The following RELN variants were observed in gnomAD, a reference collection of about 807,000 sequenced individuals.
The protein encoded by RELN is reelin.
In RELN, 108 loss-of-function variants were observed where a neutral mutation model predicts 427.6. The ratio of observed to expected loss-of-function variants is 0.25; its 90% CI spans 0.22 to 0.30. The LOEUF is 0.30. Ranked by LOEUF, RELN falls within the 10% of genes least tolerant of loss-of-function variation. The pLI is 1.00. For synonymous variants in RELN, 1,524 were observed against 1,513.4 expected, an observed-to-expected ratio of 1.01 and a Z score of -0.16; for missense variants, 3,715 against 4,302.8, an observed-to-expected ratio of 0.86 and a Z score of 3.82.
At chr7:103,519,804 G>C (rs1362831520) in intron 48 of RELN, among the ~76,000 whole-genome samples, 3 of 151,962 alleles carry the variant, frequency 2.0e-5, no homozygotes, top group African/African-American at 7.3e-5. Flanking sequence ...TAACTCCTGG[G>C]CTCAAATGAT....
intron 63 of RELN, chr7:103,482,059 C>T (rs191583423): frequency 6.6e-6 from 1 of 152,224 alleles, no homozygotes; most frequent in Non-Finnish European, 1.5e-5. Context: ...TATGACTGAA[C>T]CAAAACAAAT....
At chr7:103,880,248 A>T (rs75369835) in intron 2 of RELN, among the ~76,000 whole-genome samples, 1 of 152,212 alleles carries the variant, frequency 6.6e-6, no homozygotes, top group African/African-American at 2.4e-5. Flanking sequence ...TCTTGGTGTA[A>T]TTTATTAGTA....
At chr7:103,729,915 G>A (rs1584442037) in intron 6 of RELN, among the ~76,000 whole-genome samples, 2 of 148,590 alleles carry the variant, frequency 1.3e-5, no homozygotes, top group Non-Finnish European at 3.0e-5. Context: ...TTATATTAGG[G>A]TTTTTTTTTT....
intron 2 of RELN, among the ~76,000 whole-genome samples, chr7:103,841,801 A>G (rs1793557942): frequency 1.3e-5 from 2 of 152,192 alleles, no homozygotes; most frequent in African/African-American, 4.8e-5. Flanking sequence ...CCACCTATTG[A>G]TAACATTACA....
chr7:103,492,062 AT>A, intron 57 of RELN, 36 bp from the exon 58 acceptor site: 1 of 1,463,526 alleles, frequency 6.8e-7, no homozygotes, highest in Non-Finnish European at 9.6e-7. Context: ...CACAGGTAAG[AT>A]TAGATGATAC....
intron 3 of RELN, among the ~76,000 whole-genome samples, chr7:103,802,637 A>C (rs1792497241): frequency 6.6e-6 from 1 of 152,180 alleles, no homozygotes; most frequent in Non-Finnish European, 1.5e-5. Flanking sequence ...AGCACTGTGC[A>C]TTAAATCCCT....
chr7:103,904,975 CTTTTTTTTTTTT>C (rs67024941), intron 2 of RELN, among the ~76,000 whole-genome samples: 4 of 77,328 alleles, frequency 5.2e-5, no homozygotes, highest in African/African-American at 9.7e-5. Flanking sequence ...AAGTTCTTTC[CTTTTTTTTTTTT>C]TTTTTTTTTT....
At chr7:103,868,629 C>G (rs1029775419) in intron 2 of RELN, among the ~76,000 whole-genome samples, 1 of 151,840 alleles carries the variant, frequency 6.6e-6, no homozygotes, top group Non-Finnish European at 1.5e-5. Context: ...TTTTTTTGCC[C>G]GGTATGCTAT....
rs185822272 is a variant in RELN, at chr7:103,981,600, C to T, written c.226+7531G>A. ...ATGAAATACATATTAATTAGGATTG[C>T]ATTCAGCTACAAGTAACAGAAACAA... On this transcript the variant is annotated intron_variant, in intron 1 of 64. Coordinates refer to ENST00000428762, the MANE Select transcript of RELN (RefSeq NM_005045.4). 5.1e-4 allele frequency among the ~76,000 whole-genome samples: 78 copies of T among 152,292 alleles called. 1 individual carries two copies. The highest frequency in any genetic ancestry group is 1.7e-3 in the African/African-American group (72 of 41,568).
intron 4 of RELN, among the ~76,000 whole-genome samples, chr7:103,774,508 C>G (rs898447271): frequency 2.0e-5 from 3 of 152,032 alleles, no homozygotes; most frequent in Admixed American, 6.6e-5. Context: ...TTAAAATCAA[C>G]AAACATACTG....
intron 9 of RELN, 77 bp downstream of exon 9, chr7:103,700,833 G>A (rs1167770728): frequency 3.4e-6 from 3 of 880,594 alleles, no homozygotes; most frequent in Non-Finnish European, 3.9e-6. Flanking sequence ...AAAAGTTAGT[G>A]GTGGATTGAA....
chr7:103,510,420 AG>A (rs1829368328), intron 51 of RELN, among the ~76,000 whole-genome samples: 1 of 152,220 alleles, frequency 6.6e-6, no homozygotes, highest in African/African-American at 2.4e-5. Context: ...TCTCACTCAT[AG>A]GTGGGAGTTG....
chr7:103,914,478 T>C (rs1795439345), intron 2 of RELN, among the ~76,000 whole-genome samples: 3 of 152,114 alleles, frequency 2.0e-5, no homozygotes, highest in Admixed American at 1.3e-4. Context: ...GCTCCCCCTA[T>C]AGGAAGTGTA....
At chr7:103,975,962 G>A (rs568421785) in intron 1 of RELN, among the ~76,000 whole-genome samples, 2 of 152,200 alleles carry the variant, frequency 1.3e-5, no homozygotes, top group East Asian at 3.9e-4. Flanking sequence ...GGAAAGGGAT[G>A]CCAGACAAGA....
intron 53 of RELN, among the ~76,000 whole-genome samples, chr7:103,499,853 AG>A (rs1828965877): frequency 6.6e-6 from 1 of 152,226 alleles, no homozygotes; most frequent in Admixed American, 6.5e-5. Flanking sequence ...GAAAGAAATT[AG>A]ATTTTCAAAA....
rs142398451 is a variant in RELN at position 103,901,241 on chromosome 7, A to G, written c.337+15834T>C. Among the ~76,000 whole-genome samples, 199 of 152,162 alleles carry G rather than the reference A, an allele frequency of 1.3e-3. 1 individual carries two copies. The highest frequency in any genetic ancestry group is 4.6e-3 in the African/African-American group (192 of 41,558). ...TCTATGAAGTTGGCTATAAATAAGT[A>G]AAACACAAAAAAGCAAATGTTGGGA... On this transcript the variant is annotated intron_variant, in intron 2 of 64. Coordinates refer to ENST00000428762, the MANE Select transcript of RELN (RefSeq NM_005045.4).
intron 6 of RELN, among the ~76,000 whole-genome samples, chr7:103,739,023 T>C (rs1294693962): frequency 6.6e-6 from 1 of 152,180 alleles, no homozygotes; most frequent in Non-Finnish European, 1.5e-5. Context: ...GATTCATCCA[T>C]GTTGTTGCGA....
At chr7:103,875,171 C>T (rs1323763846) in intron 2 of RELN, among the ~76,000 whole-genome samples, 1 of 147,494 alleles carries the variant, frequency 6.8e-6, no homozygotes. Context: ...GAAGCTGAAA[C>T]TGGATCCCTT....
intron 28 of RELN, among the ~76,000 whole-genome samples, chr7:103,583,611 A>G (rs112449607): frequency 1.3e-3 from 202 of 152,354 alleles, no homozygotes; most frequent in African/African-American, 4.5e-3. Flanking sequence ...TCCACAAGGA[A>G]GAACCAAAAT....
Sources: allele counts gnomAD v4.1 joint callset (sites outside exome capture counted in the v4.1 genomes callset), GRCh38; gene constraint gnomAD v4.1.1; transcripts MANE v1.5; gene names NCBI Gene and HGNC (gene_info 2026-07-23, HGNC 2026-07-21).